FMN1: variants seen among roughly 807,000 people sequenced by gnomAD.
FMN1 encodes the protein formin-1.
In FMN1, 110 loss-of-function variants were observed where a neutral mutation model predicts 132.4. The observed-to-expected ratio is 0.83, with a 90% confidence interval of 0.71 to 0.97. The LOEUF (loss-of-function observed/expected upper bound fraction) is 0.97. Ranked by LOEUF, FMN1 falls within the 50% of genes least tolerant of loss-of-function variation. The pLI, the probability that FMN1 is intolerant of heterozygous loss-of-function variation, is 0.00. For synonymous variants in FMN1, 722 were observed against 651.7 expected, an observed-to-expected ratio of 1.11 and a Z score of -1.64; for missense variants, 1,792 against 1,705.3, an observed-to-expected ratio of 1.05 and a Z score of -0.90.
intron 4 of FMN1, among the ~76,000 whole-genome samples, chr15:33,134,392 C>T (rs1963674786): frequency 6.6e-6 from 1 of 152,210 alleles, no homozygotes; most frequent in Admixed American, 6.5e-5. Context: ...AGTTCCACCT[C>T]ACCTCACCCC....
intron 2 of FMN1, 109 bp from the exon 3 acceptor site, chr15:33,180,371 G>A (rs961821710): frequency 2.4e-4 from 37 of 152,176 alleles, no homozygotes; most frequent in African/African-American, 8.7e-4. Flanking sequence ...ATTTGAAGGG[G>A]CTTTCAGAAA....
At chr15:33,066,374 A>G in intron 5 of FMN1, 1 of 767,536 alleles carries the variant, frequency 1.3e-6, no homozygotes, top group South Asian at 2.0e-5. Context: ...CTTACAGGAC[A>G]ATATAATTTG....
chr15:33,130,396 CAA>C (rs1963488638), intron 4 of FMN1, among the ~76,000 whole-genome samples: 1 of 152,184 alleles, frequency 6.6e-6, no homozygotes, highest in African/African-American at 2.4e-5. Flanking sequence ...TTTTATGAAA[CAA>C]TGTAGAAATA....
At chr15:33,066,927 GCA>G (rs754289889) in intron 5 of FMN1, 8 of 1,613,838 alleles carry the variant, frequency 5.0e-6, no homozygotes, top group Non-Finnish European at 6.8e-6. Context: ...AGCCCTGCCT[GCA>G]CTAAGGACTT....
chr15:32,872,841 C>T (rs771498681), intron 16 of FMN1, among the ~76,000 whole-genome samples: 10 of 151,914 alleles, frequency 6.6e-5, no homozygotes, highest in Non-Finnish European at 1.3e-4. Context: ...TGGTTAGTCA[C>T]ATTAACTGTA....
intron 10 of FMN1, among the ~76,000 whole-genome samples, chr15:32,922,730 T>C (rs945276472): frequency 3.3e-5 from 5 of 152,172 alleles, no homozygotes; most frequent in African/African-American, 1.2e-4. Flanking sequence ...ATTTGGAAAA[T>C]TGGAATGCCT....
At chr15:32,874,571 T>C (rs966421788) in intron 16 of FMN1, among the ~76,000 whole-genome samples, 1 of 152,198 alleles carries the variant, frequency 6.6e-6, no homozygotes. Context: ...ATACCTTCCC[T>C]CTGTTTACCC....
chr15:33,166,226 A>G (rs1490041928), intron 3 of FMN1, among the ~76,000 whole-genome samples: 1 of 152,134 alleles, frequency 6.6e-6, no homozygotes, highest in Non-Finnish European at 1.5e-5. Flanking sequence ...TCAAACAACT[A>G]GTGAGCAATG....
At chr15:32,880,466 T>C (rs2059743022) in intron 16 of FMN1, among the ~76,000 whole-genome samples, 1 of 152,202 alleles carries the variant, frequency 6.6e-6, no homozygotes, top group African/African-American at 2.4e-5. Flanking sequence ...ATCTGAAATG[T>C]TTTCTTTCAA....
intron 6 of FMN1, among the ~76,000 whole-genome samples, chr15:33,042,035 T>TA (rs36019355): frequency 2.6e-5 from 4 of 151,820 alleles, no homozygotes; most frequent in African/African-American, 7.2e-5. Context: ...GATGTCTACC[T>TA]AAAAAAAATC....
chr15:33,012,244 A>G, intron 6 of FMN1: 1 of 700,050 alleles, frequency 1.4e-6, no homozygotes, highest in South Asian at 1.4e-5. Context: ...AACGCTCAAG[A>G]ACTGTGTGGT....
intron 6 of FMN1, among the ~76,000 whole-genome samples, chr15:33,011,664 GATAAC>G (rs1566822932): frequency 6.6e-6 from 1 of 151,990 alleles, no homozygotes; most frequent in African/African-American, 2.4e-5. Context: ...CATCAATAGA[GATAAC>G]ATTCCCTACA....
chr15:32,777,538 A>ACATAACAC lies in FMN1; in HGVS notation c.4131-620_4131-619insGTGTTATG, dbSNP rs373857402. 9.5e-4 allele frequency among the ~76,000 whole-genome samples: 77 copies of ACATAACAC among 81,434 alleles called. 1 individual carries two copies. Among genetic ancestry groups the ACATAACAC allele is most frequent in the African/African-American group, 3.3e-3 (74 of 22,370 alleles). 53.4% of individuals were successfully genotyped at this position (81,434 alleles called of 152,430 possible). On this transcript the variant is annotated intron_variant, in intron 19 of 20. Transcript: ENST00000616417. ...ATTTATATATTACGTATAACATAAC[A>ACATAACAC]TTTATATATTACGTATAACATATAA... is the stretch of plus-strand genomic sequence containing the variant.
chr15:33,151,446 A>G (rs545968899), intron 4 of FMN1: 1 of 1,497,182 alleles, frequency 6.7e-7, no homozygotes, highest in Admixed American at 2.0e-5. Flanking sequence ...GTGATCATCC[A>G]TTCACCTTGT....
intron 6 of FMN1, among the ~76,000 whole-genome samples, chr15:33,051,081 C>A (rs548116536): frequency 6.6e-6 from 1 of 151,834 alleles, no homozygotes; most frequent in Non-Finnish European, 1.5e-5. Context: ...TTCACAAGGA[C>A]CCCCCCTTTA....
At chr15:32,803,917 G>C (rs2057568403) in intron 18 of FMN1, among the ~76,000 whole-genome samples, 1 of 152,166 alleles carries the variant, frequency 6.6e-6, no homozygotes, top group Non-Finnish European at 1.5e-5. Flanking sequence ...TTTCACTCCA[G>C]CTTCCAAGTG....
intron 7 of FMN1, among the ~76,000 whole-genome samples, chr15:32,992,826 C>T (rs1319017406): frequency 3.3e-5 from 5 of 152,086 alleles, no homozygotes; most frequent in Non-Finnish European, 5.9e-5. Context: ...TCATAAAAAT[C>T]GTTCATTTTT....
intron 5 of FMN1, chr15:33,066,748 G>C: frequency 1.9e-6 from 3 of 1,613,940 alleles, no homozygotes. Flanking sequence ...GGCCGCTCTG[G>C]CTCTCTTGGT....
intron 17 of FMN1, among the ~76,000 whole-genome samples, chr15:32,817,730 A>G (rs1274681819): frequency 1.3e-5 from 2 of 152,232 alleles, no homozygotes; most frequent in Non-Finnish European, 2.9e-5. Flanking sequence ...TGGTTTTTAA[A>G]GTGACCACAC....
Sources: gnomAD v4.1 joint callset for allele counts (sites outside exome capture counted in the v4.1 genomes callset) on GRCh38, gnomAD v4.1.1 for gene constraint, MANE v1.5 for transcripts, NCBI Gene and HGNC (gene_info 2026-07-23, HGNC 2026-07-21) for gene names.